Variants in LAMC1 observed in about 807,000 individuals in gnomAD.
LAMC1 encodes the protein laminin subunit gamma-1.
LAMC1 carries 38 observed loss-of-function variants against 173.6 expected under a neutral mutation model. The observed-to-expected ratio is 0.22, with a 90% confidence interval of 0.17 to 0.29. The LOEUF (loss-of-function observed/expected upper bound fraction) is 0.29, where lower values mean the gene tolerates loss of function less well. Ranked by LOEUF, LAMC1 falls within the 10% of genes least tolerant of loss-of-function variation. The pLI is 1.00. For synonymous variants in LAMC1, 746 were observed against 749.1 expected, an observed-to-expected ratio of 1.00 and a Z score of 0.07; for missense variants, 1,824 against 2,051.8, an observed-to-expected ratio of 0.89 and a Z score of 2.14.
At chr1:183,129,307 C>T (rs1204411292) in intron 18 of LAMC1, among the ~76,000 whole-genome samples, 2 of 152,010 alleles carry the variant, frequency 1.3e-5, no homozygotes, top group Non-Finnish European at 2.9e-5. Context: ...CCAGGATGGT[C>T]TCGATCTCCT....
chr1:183,023,883 A>G lies in LAMC1; in HGVS notation c.167A>G (p.Asn56Ser), dbSNP rs766312407. ...CAGCGCTGCATGCCCGAGTTCGTCA[A>G]CGCCGCCTTCAACGTGACTGTGGTG... Reference protein sequence around the residue: ...RPQRCMPEFVNAAFNVTVVAT... With the variant: ...RPQRCMPEFVSAAFNVTVVAT... The change falls in exon 1 of 28, where the codon AAC becomes AGC. Residue 56 changes from asparagine to serine, a missense_variant. Coordinates refer to ENST00000258341, the MANE Select transcript of LAMC1 (RefSeq NM_002293.4). 9.3e-6 allele frequency: 15 copies of G among 1,612,416 alleles called. No homozygotes were observed. Among genetic ancestry groups the G allele is most frequent in the South Asian group, 8.8e-5 (8 of 91,050 alleles).
chr1:183,060,655 G>A (rs1406829900), intron 1 of LAMC1, among the ~76,000 whole-genome samples: 2 of 152,122 alleles, frequency 1.3e-5, no homozygotes, highest in Non-Finnish European at 2.9e-5. Flanking sequence ...ATTCCCTGGG[G>A]ACAAGAGCTA....
chr1:183,125,455 G>A lies in LAMC1; in HGVS notation c.2706G>A (p.Thr902=), dbSNP rs370878678. Reference sequence around the variant, plus strand: ...AGCAGAGCAGCTGTAACCCCGTGACGGGGCAGTGTGAATGTTTGCCTCACG... The same window carrying A: ...AGCAGAGCAGCTGTAACCCCGTGACAGGGCAGTGTGAATGTTTGCCTCACG... The part of the protein sequence containing the change: ...MKQQSSCNPV[T]GQCECLPHVT... The change falls in exon 15 of 28, where the codon ACG becomes ACA. Residue 902 remains threonine (T), a synonymous_variant. Transcript: ENST00000258341. 9.9e-6 allele frequency: 16 copies of A among 1,613,934 alleles called. No individual in the cohort carries two copies. Among genetic ancestry groups the A allele is most frequent in the Middle Eastern group, 1.6e-4 (1 of 6,084 alleles).
At position 183,132,527 on chromosome 1, in the gene LAMC1, C is replaced by G. The variant is rs767140704; in HGVS notation, c.3694C>G (p.Leu1232Val). 4 of 1,613,456 alleles carry G rather than the reference C, an allele frequency of 2.5e-6. No individual in the cohort carries two copies. Among genetic ancestry groups the G allele is most frequent in the Non-Finnish European group, 3.4e-6 (4 of 1,179,672 alleles). The stretch of plus-strand genomic sequence containing the variant: ...TCAAACAGCATTTGAGATTGAAGAG[C>G]TTAATAGGAAGTGAGTATAATTTGA... ...ENQTAFEIEE[L>V]NRKYEQAKNI... is the part of the protein sequence containing the mutation. Residue 1232 changes from leucine (L) to valine (V), a missense_variant, in exon 21 of 28, where the codon CTT becomes GTT. Transcript: ENST00000258341.
intron 1 of LAMC1, among the ~76,000 whole-genome samples, chr1:183,065,973 C>T (rs1164732687): frequency 1.3e-5 from 2 of 152,210 alleles, no homozygotes; most frequent in Middle Eastern, 3.4e-3. Context: ...CTTTAATAAG[C>T]GAGAGAATGC....
chr1:183,056,991 A>G (rs958568925), intron 1 of LAMC1, among the ~76,000 whole-genome samples: 1 of 152,238 alleles, frequency 6.6e-6, no homozygotes, highest in Non-Finnish European at 1.5e-5. Flanking sequence ...ACATACATTT[A>G]CTAAGCATCT....
intron 21 of LAMC1, among the ~76,000 whole-genome samples, chr1:183,133,006 G>T (rs1656840107): frequency 6.6e-6 from 1 of 152,120 alleles, no homozygotes; most frequent in Non-Finnish European, 1.5e-5. Context: ...TGCCTCCCGG[G>T]TTCAAGCGAT....
chr1:183,129,900 T>G (rs1656735114), intron 18 of LAMC1, among the ~76,000 whole-genome samples: 1 of 152,242 alleles, frequency 6.6e-6, no homozygotes, highest in Admixed American at 6.5e-5. Context: ...TTTGTCATAC[T>G]TCAACTTATG....
At chr1:183,062,351 C>T (rs1654763550) in intron 1 of LAMC1, among the ~76,000 whole-genome samples, 1 of 152,070 alleles carries the variant, frequency 6.6e-6, no homozygotes, top group Non-Finnish European at 1.5e-5. Flanking sequence ...TTCAGGGCAG[C>T]ATTTGATTAT....
Position 183,118,125 on chromosome 1 carries a change from C to A in LAMC1, c.1969C>A (p.Arg657Ser), listed in dbSNP as rs200987098. The A allele has an allele frequency of 9.8e-5, 157 of 1,594,614 alleles. No individual in the cohort carries two copies. Among genetic ancestry groups the A allele is most frequent in the Non-Finnish European group, 1.2e-4 (134 of 1,162,574 alleles). ...AAACAACTTGACCTCTATCAAGATACGTGGGACATACAGTGAGAGAAGTAA... is the reference window on the plus strand; with the variant it reads ...AAACAACTTGACCTCTATCAAGATAAGTGGGACATACAGTGAGAGAAGTAA... ...LLNNLTSIKI[R>S]GTYSERSAGY... Residue 657 changes from arginine (R) to serine (S), a missense_variant, in exon 11 of 28, where the codon CGT (arginine) becomes AGT (serine). Physicochemically the swap from Arg to Ser is moderately radical, Grantham distance 110 (BLOSUM62 -1). Coordinates refer to ENST00000258341, the MANE Select transcript of LAMC1 (RefSeq NM_002293.4).
At chr1:183,060,977 T>C (rs1654731938) in intron 1 of LAMC1, among the ~76,000 whole-genome samples, 2 of 152,148 alleles carry the variant, frequency 1.3e-5, no homozygotes, top group South Asian at 2.1e-4. Flanking sequence ...AGGGTAGCCA[T>C]TTTAGTTTTT....
intron 1 of LAMC1, among the ~76,000 whole-genome samples, chr1:183,086,000 C>G (rs1655417289): frequency 6.6e-6 from 1 of 152,066 alleles, no homozygotes; most frequent in South Asian, 2.1e-4. Flanking sequence ...CCACTTAGGT[C>G]TTTTAGGGGA....
In LAMC1 at chr1:183,145,435, T is replaced by A. The variant is rs1251606877; in HGVS notation, c.*2645T>A. The stretch of plus-strand genomic sequence containing the variant: ...GAATTTTTTTCCTTTGAATTCCAAC[T>A]GTGGACCTTTTATATGTGCCTTCAC... On this transcript the variant is annotated 3_prime_UTR_variant, in exon 28 of 28. Coordinates refer to ENST00000258341, the MANE Select transcript of LAMC1 (RefSeq NM_002293.4). 1 of 152,616 alleles carries A rather than the reference T, an allele frequency of 6.6e-6. No individual in the cohort carries two copies. Among genetic ancestry groups the A allele is most frequent in the Non-Finnish European group, 1.5e-5 (1 of 68,046 alleles). 9.5% of individuals were successfully genotyped at this position (152,616 alleles called of 1,614,324 possible).
chr1:183,090,256 C>G (rs369450616), intron 1 of LAMC1, among the ~76,000 whole-genome samples: 1 of 151,930 alleles, frequency 6.6e-6, no homozygotes, highest in South Asian at 2.1e-4. Flanking sequence ...AAAGCAGATG[C>G]ATCTAGGATT....
intron 1 of LAMC1, among the ~76,000 whole-genome samples, chr1:183,037,557 A>T (rs1343203050): frequency 6.6e-6 from 1 of 152,198 alleles, no homozygotes; most frequent in African/African-American, 2.4e-5. Flanking sequence ...TTTCTTTGTC[A>T]GTATTAACAT....
intron 6 of LAMC1, among the ~76,000 whole-genome samples, chr1:183,116,095 A>G (rs1352600488): frequency 2.0e-5 from 3 of 147,988 alleles, no homozygotes; most frequent in African/African-American, 7.5e-5. Flanking sequence ...GCGCCACTGC[A>G]CTCCAGCGTG....
chr1:183,080,062 G>A (rs1655229208), intron 1 of LAMC1, among the ~76,000 whole-genome samples: 1 of 152,066 alleles, frequency 6.6e-6, no homozygotes, highest in Non-Finnish European at 1.5e-5. Flanking sequence ...TGGCAACATG[G>A]TGAAACCCCA....
intron 1 of LAMC1, among the ~76,000 whole-genome samples, chr1:183,059,562 A>G (rs1411981630): frequency 6.6e-6 from 1 of 152,204 alleles, no homozygotes; most frequent in African/African-American, 2.4e-5. Flanking sequence ...GACAGGAGAT[A>G]ATGGAAATGA....
At chr1:183,039,176 T>C (rs1395118531) in intron 1 of LAMC1, among the ~76,000 whole-genome samples, 1 of 151,550 alleles carries the variant, frequency 6.6e-6, no homozygotes, top group Non-Finnish European at 1.5e-5. Flanking sequence ...TGGATCATGA[T>C]CTGATAGAGC....
Sources: gnomAD v4.1 joint callset for allele counts (sites outside exome capture counted in the v4.1 genomes callset) on GRCh38, gnomAD v4.1.1 for gene constraint, MANE v1.5 for transcripts, NCBI Gene and HGNC (gene_info 2026-07-23, HGNC 2026-07-21) for gene names.